Variants in SPG11 observed in about 807,000 individuals in gnomAD.
The protein encoded by SPG11 is spatacsin.
Under a neutral mutation model 274.0 loss-of-function variants are expected in SPG11, and 222 were observed. The observed-to-expected ratio is 0.81, with a 90% CI of 0.73 to 0.91. The LOEUF (loss-of-function observed/expected upper bound fraction) is 0.91. SPG11 is among the 40% of genes least tolerant of loss of function. The pLI, the probability that SPG11 is intolerant of heterozygous loss-of-function variation, is 0.00. For synonymous variants in SPG11, 1,144 were observed against 1,039.7 expected, an observed-to-expected ratio of 1.10 and a Z score of -1.93; for missense variants, 3,114 against 2,872.7, an observed-to-expected ratio of 1.08 and a Z score of -1.92.
chr15:44,586,145 T>G (rs1195228320), intron 28 of SPG11, among the ~76,000 whole-genome samples: 2 of 151,822 alleles, frequency 1.3e-5, no homozygotes, highest in African/African-American at 4.8e-5. Context: ...CCACCACACC[T>G]GGCTAATTTT....
At chr15:44,614,519 C>T (rs767648385) in intron 16 of SPG11, among the ~76,000 whole-genome samples, 14 of 152,150 alleles carry the variant, frequency 9.2e-5, no homozygotes, top group East Asian at 1.9e-4. Context: ...CCACCGTGCC[C>T]GGCCAATTCC....
chr15:44,593,610 T>C (rs530008005), intron 26 of SPG11, among the ~76,000 whole-genome samples: 2 of 152,294 alleles, frequency 1.3e-5, no homozygotes, highest in South Asian at 2.1e-4. Context: ...AGTCAGATAA[T>C]AGGAGTTCTG....
In SPG11 at chr15:44,657,242, T is replaced by A. The variant is rs993836774; in HGVS notation, c.722A>T (p.His241Leu). ...TYVAHVDLAL[H>L]KEDMCNEQQQ... ...CTGCTCATTACACATGTCTTCTTTG[T>A]GAAGTGCTAAATCCACATGAGCTAC... The change falls in exon 4 of 40, where the codon CAC (histidine) becomes CTC (leucine). Residue 241 changes from histidine to leucine, a missense_variant. Physicochemically the swap from His to Leu is moderately conservative, Grantham distance 99. Coordinates refer to ENST00000261866, the MANE Select transcript of SPG11 (RefSeq NM_025137.4). 9.3e-6 allele frequency: 15 copies of A among 1,614,218 alleles called. No individual in the cohort carries two copies. The highest frequency in any genetic ancestry group is 1.3e-5 in the Non-Finnish European group (15 of 1,180,038).
rs2082224496 is a variant in SPG11, at chr15:44,563,041, G to A, written c.*80C>T. On this transcript the variant is annotated 3_prime_UTR_variant, in exon 40 of 40. Transcript: ENST00000261866. ...ACCGGGATTGTTCAACTTTAGCAAAGATCTCCAATGCATTCTTCTTCTCAT... is the reference window on the plus strand; with the variant it reads ...ACCGGGATTGTTCAACTTTAGCAAAAATCTCCAATGCATTCTTCTTCTCAT... 7.0e-7 allele frequency: 1 copy of A among 1,418,492 alleles called. No homozygotes were observed. The highest frequency in any genetic ancestry group is 9.9e-7 in the Non-Finnish European group (1 of 1,007,570). The allele number at this position is 1,418,492 out of a possible 1,614,324, so 87.9% of individuals were successfully genotyped here.
chr15:44,583,472 CAAAA>C (rs1310950429), intron 30 of SPG11, among the ~76,000 whole-genome samples: 1 of 151,744 alleles, frequency 6.6e-6, no homozygotes, highest in Non-Finnish European at 1.5e-5. Context: ...AAACAAAAAA[CAAAA>C]AACCAAAAAG....
rs776681797 is a variant in SPG11 at position 44,584,274 on chromosome 15, C to A, written c.5406G>T (p.Trp1802Cys). The A allele has an allele frequency of 6.2e-7, 1 of 1,613,594 alleles. No individual in the cohort carries two copies. Among genetic ancestry groups the A allele is most frequent in the African/African-American group, 1.3e-5 (1 of 74,868 alleles). Residue 1802 changes from tryptophan (W) to cysteine (C), a missense_variant, in exon 30 of 40, where the codon TGG (tryptophan) becomes TGT (cysteine). Coordinates refer to ENST00000261866, the MANE Select transcript of SPG11 (RefSeq NM_025137.4). Reference protein sequence around the residue: ...DKLEELEKQIWLCRITQHTLG... With the variant: ...DKLEELEKQICLCRITQHTLG... ...GAGTGTGCTGGGTGATGCGGCACAG[C>A]CAGATCTGCTTCTCCAGCTCCTCCA...
chr15:44,608,376 CTA>C, intron 19 of SPG11, 66 bp downstream of exon 19: 1 of 1,527,428 alleles, frequency 6.5e-7, no homozygotes, highest in East Asian at 2.3e-5. Flanking sequence ...GTTGAAAGAT[CTA>C]GAGTGATTTC....
Position 44,569,483 on chromosome 15 carries a change from C to T in SPG11, c.6500G>A (p.Gly2167Glu), listed in dbSNP as rs772377757. Reference protein sequence around the residue: ...GLVVRLLTGIGRYNEMTYIFD... With the variant: ...GLVVRLLTGIERYNEMTYIFD... Reference sequence around the variant, plus strand: ...TATGTATGTCATCTCGTTGTACCTTCCAATGCCAGTGAGGAGCCGTACCTG... The same window carrying T: ...TATGTATGTCATCTCGTTGTACCTTTCAATGCCAGTGAGGAGCCGTACCTG... Residue 2167 changes from glycine to glutamate, a missense_variant, in exon 35 of 40, where the codon GGA (glycine) becomes GAA (glutamate). Coordinates refer to ENST00000261866, the MANE Select transcript of SPG11 (RefSeq NM_025137.4). 1.9e-6 allele frequency: 3 copies of T among 1,597,502 alleles called. No homozygotes were observed. Among genetic ancestry groups the T allele is most frequent in the Admixed American group, 1.7e-5 (1 of 57,420 alleles).
intron 15 of SPG11, among the ~76,000 whole-genome samples, chr15:44,616,452 C>A (rs544601139): frequency 1.3e-5 from 2 of 152,264 alleles, no homozygotes; most frequent in Non-Finnish European, 2.9e-5. Flanking sequence ...CCTGCCTAGG[C>A]CTCCCAAAGT....
rs755064786 is a variant in SPG11, at chr15:44,563,152, C to T, written c.7301G>A (p.Gly2434Asp). 10 of 1,614,150 alleles carry T rather than the reference C, an allele frequency of 6.2e-6. No individual in the cohort carries two copies. Among genetic ancestry groups the T allele is most frequent in the Non-Finnish European group, 7.6e-6 (9 of 1,180,020 alleles). Residue 2434 changes from glycine (G) to aspartate (D), a missense_variant, in exon 40 of 40, where the codon GGT becomes GAT. Coordinates refer to ENST00000261866, the MANE Select transcript of SPG11 (RefSeq NM_025137.4). Reference protein sequence around the residue: ...VNVLLKDPQTGCCLKDMLAG With the variant: ...VNVLLKDPQTDCCLKDMLAG ...TGCTAGCATGTCCTTTAGACAGCAA[C>T]CTGTCTGAGGGTCCTTCAGAAGCAC...
At chr15:44,645,199 C>T (rs945673959) in intron 7 of SPG11, among the ~76,000 whole-genome samples, 4 of 152,166 alleles carry the variant, frequency 2.6e-5, no homozygotes, top group African/African-American at 7.2e-5. Flanking sequence ...GCAGACTTCA[C>T]ATCACCTGAC....
chr15:44,629,110 G>A (rs774767314), intron 9 of SPG11, 123 bp downstream of exon 9: 1 of 1,180,416 alleles, frequency 8.5e-7, no homozygotes, highest in Non-Finnish European at 1.3e-6. Context: ...ACTACACACT[G>A]ACCTTACCCA....
chr15:44,598,421 A>G (rs1386161050), intron 22 of SPG11, 48 bp from the exon 23 acceptor site: 43 of 1,549,090 alleles, frequency 2.8e-5, no homozygotes, highest in Non-Finnish European at 3.7e-5. Flanking sequence ...AAAAGTCAAA[A>G]CCTGAGCATT....
intron 10 of SPG11, among the ~76,000 whole-genome samples, chr15:44,628,402 G>A (rs1046134118): frequency 6.6e-6 from 1 of 152,218 alleles, no homozygotes; most frequent in African/African-American, 2.4e-5. Flanking sequence ...CACTTCACAT[G>A]GGTTTAGAGT....
chr15:44,577,727 AAGT>A (rs1484012267), intron 30 of SPG11, among the ~76,000 whole-genome samples: 3 of 152,032 alleles, frequency 2.0e-5, no homozygotes, highest in African/African-American at 7.2e-5. Context: ...GAAAAGTAAA[AAGT>A]AGCAGGCAAA....
intron 19 of SPG11, among the ~76,000 whole-genome samples, chr15:44,607,163 A>G (rs1270344230): frequency 6.6e-6 from 1 of 152,224 alleles, no homozygotes; most frequent in Admixed American, 6.5e-5. Flanking sequence ...TTTGGTGCAT[A>G]CTAATCTCAC....
At chr15:44,644,888 T>C (rs891437199) in intron 7 of SPG11, among the ~76,000 whole-genome samples, 3 of 152,042 alleles carry the variant, frequency 2.0e-5, no homozygotes, top group African/African-American at 7.2e-5. Flanking sequence ...ATCTCTGCAA[T>C]GAGAATTACA....
intron 30 of SPG11, among the ~76,000 whole-genome samples, chr15:44,577,671 T>C (rs2082568535): frequency 6.6e-6 from 1 of 152,122 alleles, no homozygotes; most frequent in Non-Finnish European, 1.5e-5. Flanking sequence ...CCCACTGAAT[T>C]CAATACAAAA....
chr15:44,580,661 C>T (rs948645738), intron 30 of SPG11, among the ~76,000 whole-genome samples: 2 of 152,158 alleles, frequency 1.3e-5, no homozygotes, highest in African/African-American at 4.8e-5. Context: ...TGTGGTGATG[C>T]ACGCCTGTAG....
Sources: allele counts gnomAD v4.1 joint callset (sites outside exome capture counted in the v4.1 genomes callset), GRCh38; gene constraint gnomAD v4.1.1; transcripts MANE v1.5; gene names NCBI Gene and HGNC (gene_info 2026-07-23, HGNC 2026-07-21).